FERMT1: variants seen among roughly 807,000 people sequenced by gnomAD.
FERMT1 encodes fermitin family homolog 1.
Under a neutral mutation model 85.3 loss-of-function variants are expected in FERMT1, and 60 were observed. The ratio of observed to expected loss-of-function variants is 0.70; its 90% CI spans 0.57 to 0.87. The LOEUF (loss-of-function observed/expected upper bound fraction) is 0.87, where lower values mean the gene tolerates loss of function less well. Among genes scored for constraint, FERMT1 ranks in the 40% least tolerant of loss-of-function variants. The pLI is 0.00. For synonymous variants in FERMT1, 275 were observed against 301.1 expected (o/e 0.91, Z 0.90); for missense variants, 701 against 818.9 (o/e 0.86, Z 1.76).
chr20:6,100,209 A>G (rs35859844), intron 6 of FERMT1, among the ~76,000 whole-genome samples: 36 of 152,216 alleles, frequency 2.4e-4, no homozygotes, highest in Non-Finnish European at 2.8e-4. Flanking sequence ...ATGTTCATTG[A>G]TTGATGAATG....
chr20:6,100,410 C>G (rs1230404850), intron 6 of FERMT1, among the ~76,000 whole-genome samples: 5 of 151,878 alleles, frequency 3.3e-5, no homozygotes, highest in Non-Finnish European at 7.4e-5. Flanking sequence ...TCCACAGAGA[C>G]AGAAAACAGA....
chr20:6,111,415 T>C (rs979107781), intron 4 of FERMT1, among the ~76,000 whole-genome samples: 20 of 152,118 alleles, frequency 1.3e-4, no homozygotes, highest in Non-Finnish European at 2.9e-5. Context: ...GCGGATCACT[T>C]GAGGCCAGGA....
rs1423545704 is a variant in FERMT1, at chr20:6,101,980, T to G, written c.850-4349A>C. On this transcript the variant is annotated intron_variant, in intron 6 of 14. Transcript: ENST00000217289. ...CTATGTTTGAGTTTTAAAAAATTAA[T>G]TTAATTGTGGTAAAATATATGTAAC... Among the ~76,000 whole-genome samples the G allele has an allele frequency of 1.3e-5, 2 of 152,094 alleles. 1 individual carries two copies. Among genetic ancestry groups the G allele is most frequent in the East Asian group, 3.9e-4 (2 of 5,184 alleles).
chr20:6,079,665 C>A, intron 13 of FERMT1, 88 bp from the exon 14 acceptor site: 1 of 1,240,442 alleles, frequency 8.1e-7, no homozygotes, highest in Non-Finnish European at 1.2e-6. Flanking sequence ...AAAATACTAC[C>A]AGTATTTCTG....
At chr20:6,114,905 T>A (rs1983055686) in intron 3 of FERMT1, among the ~76,000 whole-genome samples, 1 of 148,708 alleles carries the variant, frequency 6.7e-6, no homozygotes, top group Non-Finnish European at 1.5e-5. Flanking sequence ...TTTGTTACAT[T>A]TACATTTATT....
At chr20:6,092,264 G>T (rs1202287921) in intron 9 of FERMT1, among the ~76,000 whole-genome samples, 1 of 152,106 alleles carries the variant, frequency 6.6e-6, no homozygotes, top group Non-Finnish European at 1.5e-5. Context: ...TTGTATCTAG[G>T]CTGGGCATGG....
chr20:6,095,620 G>A (rs934162195), intron 8 of FERMT1, among the ~76,000 whole-genome samples: 12 of 152,144 alleles, frequency 7.9e-5, no homozygotes, highest in Non-Finnish European at 1.5e-5. Flanking sequence ...AACTATTAAG[G>A]GAGGGAGGAC....
At chr20:6,103,855 C>A (rs956095589) in intron 6 of FERMT1, among the ~76,000 whole-genome samples, 5 of 128,526 alleles carry the variant, frequency 3.9e-5, no homozygotes, top group African/African-American at 1.5e-4. Context: ...TTTTTTGAGT[C>A]TATTATTATT....
In FERMT1 at chr20:6,078,648, T is replaced by G. The variant is rs55691027; in HGVS notation, c.1860+788A>C. 6.9e-3 allele frequency among the ~76,000 whole-genome samples: 910 copies of G among 131,224 alleles called. 6 individuals are homozygous for G. Among genetic ancestry groups the G allele is most frequent in the African/African-American group, 0.025 (857 of 34,114 alleles). The allele number at this position is 131,224 out of a possible 152,430, so 86.1% of individuals were successfully genotyped here. A position where few individuals can be genotyped will look rare whatever the true frequency, so the allele number is the denominator to read the frequency against. Reference sequence around the variant, plus strand: ...CTAGTTCAGCGTTTTTTTTTTTTGTTTTTTTTTTTTTTAATTTTCTGTGGA... The same window carrying G: ...CTAGTTCAGCGTTTTTTTTTTTTGTGTTTTTTTTTTTTAATTTTCTGTGGA... On this transcript the variant is annotated intron_variant, in intron 14 of 14. Transcript: ENST00000217289.
rs1380063066 is a variant in FERMT1 at position 6,075,053 on chromosome 20, T to G, written c.*2120A>C. On this transcript the variant is annotated 3_prime_UTR_variant, in exon 15 of 15. Transcript: ENST00000217289. ...GGAACAGTAGCATTTAGGTTTGTTT[T>G]TTTTTTTTTTTGTCACACTTGTTTA... The G allele has an allele frequency of 3.3e-5, 5 of 151,524 alleles. No homozygotes were observed. Among genetic ancestry groups the G allele is most frequent in the Non-Finnish European group, 5.9e-5 (4 of 67,936 alleles). 9.4% of individuals were successfully genotyped at this position (151,524 alleles called of 1,614,324 possible).
chr20:6,096,882 T>C lies in FERMT1; in HGVS notation c.1089+20A>G, dbSNP rs756131092. 3 of 1,600,388 alleles carry C rather than the reference T, an allele frequency of 1.9e-6. No individual in the cohort carries two copies. Among genetic ancestry groups the C allele is most frequent in the Non-Finnish European group, 8.5e-7 (1 of 1,172,056 alleles). ...ATCAGAAGAAAGCCACAGTTCTGGGTGATCAGAAAAAGTTCATACCAAAAG... is the reference window on the plus strand; with the variant it reads ...ATCAGAAGAAAGCCACAGTTCTGGGCGATCAGAAAAAGTTCATACCAAAAG... On this transcript the variant is annotated intron_variant, in intron 8 of 14. Transcript: ENST00000217289.
At chr20:6,091,173 A>G (rs1031556265) in intron 9 of FERMT1, among the ~76,000 whole-genome samples, 1 of 151,962 alleles carries the variant, frequency 6.6e-6, no homozygotes, top group African/African-American at 2.4e-5. Flanking sequence ...AAACAAACAA[A>G]CAAAAACCAA....
intron 8 of FERMT1, among the ~76,000 whole-genome samples, chr20:6,095,691 G>GTTGT (rs1156776449): frequency 1.3e-5 from 2 of 152,184 alleles, no homozygotes; most frequent in African/African-American, 4.8e-5. Context: ...AGCGGAGAAA[G>GTTGT]TAGACAACAG....
At chr20:6,113,271 TGG>T (rs1983010755) in intron 3 of FERMT1, among the ~76,000 whole-genome samples, 1 of 152,250 alleles carries the variant, frequency 6.6e-6, no homozygotes, top group African/African-American at 2.4e-5. Flanking sequence ...CCCAGCCATG[TGG>T]AACTGTAAGT....
At position 6,104,068 on chromosome 20, in the gene FERMT1, A is replaced by G. The variant is rs1325550154; in HGVS notation, c.849+3464T>C. ...GTATTTTTAGTAGAGATGGGGTTTC[A>G]CCATGTTGGCCAGGCTAGTCTCGAA... is the stretch of plus-strand genomic sequence containing the variant. On this transcript the variant is annotated intron_variant, in intron 6 of 14. Coordinates refer to ENST00000217289, the MANE Select transcript of FERMT1 (RefSeq NM_017671.5). This position sits in a 1 kb window ranked among gnomAD's most constrained non-coding sequence, Gnocchi z 4.2. Among the ~76,000 whole-genome samples, 1 of 152,000 alleles carries G rather than the reference A, an allele frequency of 6.6e-6. No individual in the cohort carries two copies. Among genetic ancestry groups the G allele is most frequent in the East Asian group, 1.9e-4 (1 of 5,168 alleles).
intron 6 of FERMT1, among the ~76,000 whole-genome samples, chr20:6,105,912 G>A (rs573475559): frequency 6.6e-6 from 1 of 152,270 alleles, no homozygotes; most frequent in East Asian, 1.9e-4. Flanking sequence ...AAAATGTAAG[G>A]CAGTTTATTA....
rs560958476 is a variant in FERMT1 at position 6,075,613 on chromosome 20, C to T, written c.*1560G>A. The T allele has an allele frequency of 4.6e-5, 7 of 152,376 alleles. No individual in the cohort carries two copies. The highest frequency in any genetic ancestry group is 1.7e-4 in the African/African-American group (7 of 41,534). The allele number at this position is 152,376 out of a possible 1,614,324, so 9.4% of individuals were successfully genotyped here. A position where few individuals can be genotyped will look rare whatever the true frequency, so the allele number is the denominator to read the frequency against. Reference sequence around the variant, plus strand: ...GCTACTGGCTCAGAACCAGGGGGTCCCTTGCCAAGTCTGTCTCTATGTGGC... The same window carrying T: ...GCTACTGGCTCAGAACCAGGGGGTCTCTTGCCAAGTCTGTCTCTATGTGGC... On this transcript the variant is annotated 3_prime_UTR_variant, in exon 15 of 15. Transcript: ENST00000217289.
chr20:6,107,751 G>T, intron 5 of FERMT1, 117 bp from the exon 6 acceptor site: 1 of 611,578 alleles, frequency 1.6e-6, no homozygotes, highest in South Asian at 1.8e-5. Flanking sequence ...ATCAGGGTAT[G>T]TAATACAGAT....
At chr20:6,098,543 CTT>C (rs1045197474) in intron 6 of FERMT1, among the ~76,000 whole-genome samples, 70 of 151,192 alleles carry the variant, frequency 4.6e-4, no homozygotes, top group African/African-American at 1.4e-3. Flanking sequence ...TAGAAACAGA[CTT>C]ATATATGTAT....
Sources: gnomAD v4.1 joint callset for allele counts (sites outside exome capture counted in the v4.1 genomes callset) on GRCh38, gnomAD v4.1.1 for gene constraint, Gnocchi (gnomAD v3.1) non-coding constraint, MANE v1.5 for transcripts, NCBI Gene and HGNC (gene_info 2026-07-23, HGNC 2026-07-21) for gene names.